The following KCNG1 variants were observed in gnomAD, a reference collection of about 807,000 sequenced individuals.
The protein encoded by KCNG1 is voltage-gated potassium channel regulatory subunit KCNG1.
A neutral mutation model predicts 32.4 loss-of-function variants in KCNG1; 17 were observed. The ratio of observed to expected loss-of-function variants is 0.52; its 90% CI spans 0.36 to 0.79. The LOEUF is 0.79. KCNG1 is among the 30% of genes least tolerant of loss of function. The probability of loss-of-function intolerance (pLI) is 0.00; values close to 1 mark genes in which losing one functional copy is unlikely to be tolerated. For synonymous variants in KCNG1, 358 were observed against 339.9 expected, an observed-to-expected ratio of 1.05 and a Z score of -0.59; for missense variants, 441 against 735.2, an observed-to-expected ratio of 0.60 and a Z score of 4.63.
In KCNG1 at chr20:51,022,021, T is replaced by C. The variant is rs1283331758; in HGVS notation, c.-27+849A>G. On this transcript the variant is annotated intron_variant, in intron 1 of 2. Coordinates refer to ENST00000371571, the MANE Select transcript of KCNG1 (RefSeq NM_002237.4). ...CTGCTACAGTTGGCCACCCCGGCAGTCTGCGGCCTCCCAAGCGGGGGCCTG... is the reference window on the plus strand; with the variant it reads ...CTGCTACAGTTGGCCACCCCGGCAGCCTGCGGCCTCCCAAGCGGGGGCCTG... 2.0e-5 allele frequency among the ~76,000 whole-genome samples: 3 copies of C among 152,324 alleles called. No individual in the cohort carries two copies. The East Asian group carries it at 5.8e-4, about 29-fold the overall frequency.
intron 2 of KCNG1, among the ~76,000 whole-genome samples, chr20:51,008,306 G>T (rs1054566046): frequency 4.5e-4 from 69 of 152,162 alleles, no homozygotes; most frequent in African/African-American, 1.6e-3. Flanking sequence ...AGGGGGAGGG[G>T]AGGGACCCAA....
At chr20:51,013,119 A>G (rs1408607367) in intron 1 of KCNG1, among the ~76,000 whole-genome samples, 1 of 152,004 alleles carries the variant, frequency 6.6e-6, no homozygotes, top group Non-Finnish European at 1.5e-5. Context: ...CTGGCCAACA[A>G]GATGAAACCC....
chr20:51,011,795 C>CTATTAT (rs911014415), intron 1 of KCNG1, among the ~76,000 whole-genome samples: 1 of 152,006 alleles, frequency 6.6e-6, no homozygotes, highest in Non-Finnish European at 1.5e-5. Context: ...TAACTATTGT[C>CTATTAT]TATTATTATT....
Position 51,010,378 on chromosome 20 carries a change from G to A in KCNG1, c.-26-14C>T. The A allele has an allele frequency of 8.1e-6, 12 of 1,487,800 alleles. No individual in the cohort carries two copies. The highest frequency in any genetic ancestry group is 1.4e-5 in the African/African-American group (1 of 71,456). 92.2% of individuals were successfully genotyped at this position (1,487,800 alleles called of 1,614,324 possible). A position where few individuals can be genotyped will look rare whatever the true frequency, so the allele number is the denominator to read the frequency against. ...TCCCTCTCGGGCCTGTGGGGAGAAG[G>A]GAGGGAAGACCCTCAGTGACCACCC... is the stretch of plus-strand genomic sequence containing the variant. On this transcript the variant is annotated splice_polypyrimidine_tract_variant and intron_variant, in intron 1 of 2. Transcript: ENST00000371571.
rs1988026390 is a variant in KCNG1 at position 51,010,261 on chromosome 20, C to T, written c.78G>A (p.Pro26=). The T allele has an allele frequency of 2.0e-6, 3 of 1,531,732 alleles. No homozygotes were observed. Among genetic ancestry groups the T allele is most frequent in the East Asian group, 2.3e-5 (1 of 44,348 alleles). The allele number at this position is 1,531,732 out of a possible 1,614,324, so 94.9% of individuals were successfully genotyped here. ...LSCTSDASFH[P]AFLPQRQAIK... is the part of the protein sequence containing the mutation. ...TGGCCTGGCGCTGCGGGAGGAAGGC[C>T]GGGTGGAAGGAGGCGTCCGAGGTGC... The change falls in exon 2 of 3, where the codon CCG becomes CCA. Residue 26 remains proline (P), a synonymous_variant. Coordinates refer to ENST00000371571, the MANE Select transcript of KCNG1 (RefSeq NM_002237.4).
intron 1 of KCNG1, among the ~76,000 whole-genome samples, chr20:51,020,480 C>T (rs1601110221): frequency 6.6e-6 from 1 of 152,300 alleles, no homozygotes; most frequent in East Asian, 1.9e-4. Flanking sequence ...AAAGTCACTT[C>T]ATTTCTGATT....
intron 1 of KCNG1, among the ~76,000 whole-genome samples, chr20:51,021,845 TC>T (rs1988494900): frequency 6.6e-6 from 1 of 152,180 alleles, no homozygotes; most frequent in African/African-American, 2.4e-5. Context: ...TCAGTGTTTC[TC>T]AACTCCTCCC....
At chr20:51,014,977 C>G (rs1421994687) in intron 1 of KCNG1, among the ~76,000 whole-genome samples, 1 of 151,990 alleles carries the variant, frequency 6.6e-6, no homozygotes, top group Non-Finnish European at 1.5e-5. Flanking sequence ...CGAGGGGAAG[C>G]TGGGAGAAGA....
At chr20:51,013,909 C>T (rs541338502) in intron 1 of KCNG1, 5 of 152,310 alleles carry the variant, frequency 3.3e-5, no homozygotes, top group South Asian at 2.1e-4. Context: ...TGGAGGTAAA[C>T]GGAAAATGCC....
intron 1 of KCNG1, among the ~76,000 whole-genome samples, chr20:51,019,165 C>G (rs1365783261): frequency 6.6e-6 from 1 of 152,120 alleles, no homozygotes; most frequent in Non-Finnish European, 1.5e-5. Flanking sequence ...CTGCTGATAC[C>G]TTGATTTTGG....
Position 51,004,830 on chromosome 20 carries a change from C to T in KCNG1, c.775-24G>A, listed in dbSNP as rs1370722052. On this transcript the variant is annotated intron_variant, in intron 2 of 2. Coordinates refer to ENST00000371571, the MANE Select transcript of KCNG1 (RefSeq NM_002237.4). This position sits in a 1 kb window ranked among gnomAD's most constrained non-coding sequence, Gnocchi z 4.3. ...CCCTGGGAGAGAGGGGAAGGGACGC[C>T]GGAGGGGTCAGCGGGCCCTCCAGGA... 3.9e-6 allele frequency: 6 copies of T among 1,519,000 alleles called. No individual in the cohort carries two copies. The African/African-American group carries it at 5.5e-5, about 14-fold the overall frequency. 94.1% of individuals were successfully genotyped at this position (1,519,000 alleles called of 1,614,324 possible).
chr20:51,009,159 C>A (rs1369235990), intron 2 of KCNG1, among the ~76,000 whole-genome samples: 3 of 152,196 alleles, frequency 2.0e-5, no homozygotes, highest in Non-Finnish European at 1.5e-5. Flanking sequence ...GGATTAGGAA[C>A]GTTGAGAAAG....
rs1050338545 is a variant in KCNG1 at position 51,005,005 on chromosome 20, A to C, written c.775-199T>G. The C allele has an allele frequency of 1.2e-5, 6 of 504,940 alleles. 1 individual carries two copies. The Admixed American group carries it at 1.9e-4, about 16-fold the overall frequency. 31.3% of individuals were successfully genotyped at this position (504,940 alleles called of 1,614,324 possible). On this transcript the variant is annotated intron_variant, in intron 2 of 2. Transcript: ENST00000371571. The surrounding 1 kb of genome is among the most constrained non-coding windows in gnomAD (Gnocchi z 4.0). ...ACCATCTCTACACTGGCCGCTCCTC[A>C]TCTCTCTCTCCAGCCCCCACCTCAG...
chr20:51,021,151 G>C, intron 1 of KCNG1, among the ~76,000 whole-genome samples: 1 of 152,352 alleles, frequency 6.6e-6, no homozygotes, highest in African/African-American at 2.4e-5. Flanking sequence ...AGGTTGCCTC[G>C]TTTCCAGTGT....
In KCNG1 at chr20:51,004,874, G is replaced by T; in HGVS notation, c.775-68C>A. 5 of 1,422,080 alleles carry T rather than the reference G, an allele frequency of 3.5e-6. No homozygotes were observed. Among genetic ancestry groups the T allele is most frequent in the East Asian group, 2.5e-5 (1 of 39,870 alleles). The allele number at this position is 1,422,080 out of a possible 1,614,324, so 88.1% of individuals were successfully genotyped here. A position where few individuals can be genotyped will look rare whatever the true frequency, so the allele number is the denominator to read the frequency against. Reference sequence around the variant, plus strand: ...TCCAGGAAAGGAGGGCAGAAGCTCTGCCCTGTGCCCTGCTGGGCTTCCCAG... The same window carrying T: ...TCCAGGAAAGGAGGGCAGAAGCTCTTCCCTGTGCCCTGCTGGGCTTCCCAG... On this transcript the variant is annotated intron_variant, in intron 2 of 2. Transcript: ENST00000371571. This position sits in a 1 kb window ranked among gnomAD's most constrained non-coding sequence, Gnocchi z 4.3.
chr20:51,022,377 A>G (rs1014082118), intron 1 of KCNG1, among the ~76,000 whole-genome samples: 2 of 152,126 alleles, frequency 1.3e-5, no homozygotes, highest in Non-Finnish European at 2.9e-5. Context: ...AGCACACAGT[A>G]GGCGCTCAAT....
At chr20:51,008,205 C>G (rs1294599240) in intron 2 of KCNG1, among the ~76,000 whole-genome samples, 1 of 152,132 alleles carries the variant, frequency 6.6e-6, no homozygotes, top group East Asian at 1.9e-4. Flanking sequence ...ATCTCATACA[C>G]AAGGAGACTG....
chr20:51,018,147 G>A (rs1298808873), intron 1 of KCNG1, among the ~76,000 whole-genome samples: 1 of 152,166 alleles, frequency 6.6e-6, no homozygotes, highest in Non-Finnish European at 1.5e-5. Flanking sequence ...CTGTGGGGTG[G>A]GATTTGGGAG....
At chr20:51,019,187 A>G (rs879590285) in intron 1 of KCNG1, among the ~76,000 whole-genome samples, 1 of 152,146 alleles carries the variant, frequency 6.6e-6, no homozygotes, top group Non-Finnish European at 1.5e-5. Flanking sequence ...CCAGTGAGTC[A>G]TTTGGTCTTC....
Sources: allele counts gnomAD v4.1 joint callset (sites outside exome capture counted in the v4.1 genomes callset), GRCh38; gene constraint gnomAD v4.1.1; non-coding constraint Gnocchi (gnomAD v3.1); transcripts MANE v1.5; gene names NCBI Gene and HGNC (gene_info 2026-07-23, HGNC 2026-07-21).